DNAH6: variants seen among roughly 807,000 people sequenced by gnomAD.
The protein encoded by DNAH6 is dynein axonemal heavy chain 6.
Under a neutral mutation model 491.4 loss-of-function variants are expected in DNAH6, and 340 were observed. The ratio of observed to expected loss-of-function variants is 0.69; its 90% CI spans 0.63 to 0.76. The LOEUF (loss-of-function observed/expected upper bound fraction) is 0.76. DNAH6 is among the 30% of genes least tolerant of loss of function. The pLI, the probability that DNAH6 is intolerant of heterozygous loss-of-function variation, is 0.00. For missense variants in DNAH6, 4,443 were observed against 4,972.2 expected, an observed-to-expected ratio of 0.89 and a Z score of 3.20; for synonymous variants, 1,603 against 1,686.1, an observed-to-expected ratio of 0.95 and a Z score of 1.21.
chr2:84,589,046 C>A, intron 16 of DNAH6, 92 bp downstream of exon 16: 1 of 1,181,676 alleles, frequency 8.5e-7, no homozygotes, highest in African/African-American at 1.6e-5. Context: ...TGTAAACATT[C>A]AATATTTGGA....
the DNAH6 span, among the ~76,000 whole-genome samples, chr2:84,495,618 A>C: frequency 6.6e-6 from 1 of 152,216 alleles, no homozygotes; most frequent in Non-Finnish European, 1.5e-5. Context: ...TATAATAATT[A>C]TTAATTCTCA....
chr2:84,610,075 G>T (rs997397181), intron 21 of DNAH6, among the ~76,000 whole-genome samples: 16 of 152,072 alleles, frequency 1.1e-4, no homozygotes, highest in African/African-American at 3.9e-4. Flanking sequence ...CAGAAGTTTA[G>T]CTGGGGAATG....
chr2:84,705,849 CA>C, intron 52 of DNAH6, 102 bp downstream of exon 52: 1 of 1,284,836 alleles, frequency 7.8e-7, no homozygotes, highest in Non-Finnish European at 1.0e-6. Context: ...GCAATATAGA[CA>C]GTGACAAAAC....
chr2:84,562,898 C>T (rs1276336809), intron 11 of DNAH6, among the ~76,000 whole-genome samples: 1 of 152,070 alleles, frequency 6.6e-6, no homozygotes. Flanking sequence ...CGTGTTCCAC[C>T]CAAATCTTAT....
chr2:84,808,684 A>T, intron 72 of DNAH6, 142 bp downstream of exon 72: 1 of 784,236 alleles, frequency 1.3e-6, no homozygotes, highest in East Asian at 2.8e-5. Context: ...GAGTCTAAAA[A>T]TGAATTTATC....
chr2:84,717,766 A>G (rs1260233058), intron 58 of DNAH6, among the ~76,000 whole-genome samples: 2 of 152,196 alleles, frequency 1.3e-5, no homozygotes, highest in African/African-American at 4.8e-5. Context: ...CTCATATGCA[A>G]TCAAAAATCA....
rs530167056 is a variant in DNAH6, at chr2:84,642,094, C to A, written c.5078+40C>A. 142 of 1,298,570 alleles carry A rather than the reference C, an allele frequency of 1.1e-4. No individual in the cohort carries two copies. The Middle Eastern group carries it at 2.8e-3, about 25-fold the overall frequency. The allele number at this position is 1,298,570 out of a possible 1,614,324, so 80.4% of individuals were successfully genotyped here. On this transcript the variant is annotated intron_variant, in intron 33 of 76. Coordinates refer to ENST00000389394, the MANE Select transcript of DNAH6 (RefSeq NM_001370.2). ...ATTACCAAGTAAAGCATGGCTATCA[C>A]GTAGAGGCAAATGGTAGTCTTTTCT...
At chr2:84,639,660 C>T (rs769227406) in intron 31 of DNAH6, among the ~76,000 whole-genome samples, 13 of 152,020 alleles carry the variant, frequency 8.6e-5, no homozygotes, top group Non-Finnish European at 1.3e-4. Context: ...CCTCAAGTGA[C>T]TCACCCATCT....
At position 84,593,974 on chromosome 2, in the gene DNAH6, A is replaced by G; in HGVS notation, c.2613A>G (p.Val871=). 1 of 1,536,864 alleles carries G rather than the reference A, an allele frequency of 6.5e-7. No homozygotes were observed. Among genetic ancestry groups the G allele is most frequent in the Non-Finnish European group, 8.8e-7 (1 of 1,135,676 alleles). Residue 871 remains valine (V), a splice_region_variant and synonymous_variant, in exon 17 of 77, where the codon GTA becomes GTG. Transcript: ENST00000389394. ...QYKSYQKNFK[V]EVSKFEALEE... ...TTTTGTTTACTACATTTTTAAAGGTAGAAGTGTCCAAGTTTGAAGCTTTGG... is the reference window on the plus strand; with the variant it reads ...TTTTGTTTACTACATTTTTAAAGGTGGAAGTGTCCAAGTTTGAAGCTTTGG...
At chr2:84,520,516 C>T (rs1305829073) in intron 2 of DNAH6, among the ~76,000 whole-genome samples, 1 of 152,072 alleles carries the variant, frequency 6.6e-6, no homozygotes, top group Non-Finnish European at 1.5e-5. Context: ...ATTATTTCAT[C>T]TCTCAGGTAC....
Position 84,628,130 on chromosome 2 carries a change from G to A in DNAH6, c.4515+3067G>A, listed in dbSNP as rs191381646. ...GGTTCAAGTGATCACCCCTAGATTC[G>A]TGAGCAATAGCCAGAAGAAGGGGGT... On this transcript the variant is annotated intron_variant, in intron 29 of 76. Transcript: ENST00000389394. Among the ~76,000 whole-genome samples, 26 of 152,260 alleles carry A rather than the reference G, an allele frequency of 1.7e-4. No homozygotes were observed. The South Asian group carries it at 1.9e-3, about 11-fold the overall frequency.
At chr2:84,499,033 T>TTTATTCTTTAAG in the DNAH6 span, among the ~76,000 whole-genome samples, 1 of 152,078 alleles carries the variant, frequency 6.6e-6, no homozygotes, top group Non-Finnish European at 1.5e-5. Flanking sequence ...CCCTCAAGCA[T>TTTATTCTTTAAG]TTGCAAACAA....
chr2:84,635,318 T>C (rs1688775490), intron 30 of DNAH6, among the ~76,000 whole-genome samples: 2 of 152,228 alleles, frequency 1.3e-5, no homozygotes, highest in South Asian at 4.1e-4. Context: ...CACACTTATT[T>C]CATCTTACAC....
At chr2:84,668,977 T>G (rs1489145702) in intron 37 of DNAH6, among the ~76,000 whole-genome samples, 1 of 152,178 alleles carries the variant, frequency 6.6e-6, no homozygotes, top group Non-Finnish European at 1.5e-5. Context: ...ATTCAGCACT[T>G]GTCCTCAGCA....
At chr2:84,735,998 T>C (rs1036290154) in intron 62 of DNAH6, among the ~76,000 whole-genome samples, 2 of 152,200 alleles carry the variant, frequency 1.3e-5, no homozygotes, top group African/African-American at 2.4e-5. Context: ...TTTCATAGTT[T>C]GAGGTTTTTC....
the DNAH6 span, among the ~76,000 whole-genome samples, chr2:84,465,686 C>T: frequency 6.6e-6 from 1 of 152,108 alleles, no homozygotes; most frequent in Non-Finnish European, 1.5e-5. Flanking sequence ...CTAGATGATT[C>T]CAATATGTGC....
chr2:84,658,181 G>T (rs1026746610), intron 35 of DNAH6, 111 bp from the exon 36 acceptor site: 25 of 664,240 alleles, frequency 3.8e-5, no homozygotes, highest in Non-Finnish European at 5.6e-5. Context: ...TATAGCCTTT[G>T]GTCTAAAGGT....
At chr2:84,666,636 A>G (rs936192220) in intron 37 of DNAH6, among the ~76,000 whole-genome samples, 7 of 152,224 alleles carry the variant, frequency 4.6e-5, no homozygotes, top group African/African-American at 7.2e-5. Flanking sequence ...ATGCTCATGG[A>G]TAGGAATAAT....
At chr2:84,567,441 G>T (rs1681323189) in intron 11 of DNAH6, among the ~76,000 whole-genome samples, 1 of 152,056 alleles carries the variant, frequency 6.6e-6, no homozygotes, top group Admixed American at 6.6e-5. Context: ...GCATGGTGCT[G>T]GTACAAAAAC....
Sources: allele counts gnomAD v4.1 joint callset (sites outside exome capture counted in the v4.1 genomes callset), GRCh38; gene constraint gnomAD v4.1.1; transcripts MANE v1.5; gene names NCBI Gene and HGNC (gene_info 2026-07-23, HGNC 2026-07-21).